MCTP1: variants seen among roughly 807,000 people sequenced by gnomAD.
MCTP1 encodes multiple C2 and transmembrane domain-containing protein 1.
A neutral mutation model predicts 120.6 loss-of-function variants in MCTP1; 69 were observed. The observed-to-expected ratio is 0.57, with a 90% CI of 0.47 to 0.70. The LOEUF (loss-of-function observed/expected upper bound fraction) is 0.70. Among genes scored for constraint, MCTP1 ranks in the 30% least tolerant of loss-of-function variants. The probability of loss-of-function intolerance (pLI) is 0.00; values close to 1 mark genes in which losing one functional copy is unlikely to be tolerated. For missense variants in MCTP1, 1,203 were observed against 1,248.8 expected, an observed-to-expected ratio of 0.96 and a Z score of 0.55; for synonymous variants, 529 against 493.1, an observed-to-expected ratio of 1.07 and a Z score of -0.96.
chr5:95,141,837 T>A (rs1056554006), intron 1 of MCTP1, among the ~76,000 whole-genome samples: 1 of 152,218 alleles, frequency 6.6e-6, no homozygotes. Flanking sequence ...ACACTTGTGT[T>A]AGGCAAATAG....
chr5:95,120,447 C>T (rs1435476796), intron 1 of MCTP1, among the ~76,000 whole-genome samples: 1 of 151,990 alleles, frequency 6.6e-6, no homozygotes, highest in African/African-American at 2.4e-5. Context: ...AAAATACCAG[C>T]AAACTGAATT....
chr5:94,932,102 C>T, intron 5 of MCTP1, 111 bp from the exon 6 acceptor site: 1 of 685,098 alleles, frequency 1.5e-6, no homozygotes. Context: ...CGAACAGTTC[C>T]TGCAGCAATT....
rs959954966 is a variant in MCTP1 at position 95,273,164 on chromosome 5, C to T, written c.720+10692G>A. ...CAATCCCAAAAGATATTTTGGAAAA[C>T]ATCTGGAGTCCCAGTGTGGTGTGGT... On this transcript the variant is annotated intron_variant, in intron 1 of 22. Transcript: ENST00000515393. 4.6e-5 allele frequency among the ~76,000 whole-genome samples: 7 copies of T among 152,228 alleles called. No homozygotes were observed. In the South Asian group the frequency reaches 1.2e-3, roughly 27 times the overall value.
intron 19 of MCTP1, among the ~76,000 whole-genome samples, chr5:94,725,697 T>A (rs1177370531): frequency 6.6e-6 from 1 of 152,228 alleles, no homozygotes. Context: ...GCTCTCTTGC[T>A]AAGTATGGTT....
intron 1 of MCTP1, among the ~76,000 whole-genome samples, chr5:95,129,064 T>C (rs868056973): frequency 3.3e-5 from 5 of 152,130 alleles, no homozygotes; most frequent in African/African-American, 4.8e-5. Flanking sequence ...TCAGGTTTAA[T>C]TGGGAAAATG....
chr5:94,925,863 TA>T (rs1271102189), intron 6 of MCTP1, among the ~76,000 whole-genome samples: 3 of 152,188 alleles, frequency 2.0e-5, no homozygotes, highest in Admixed American at 6.5e-5. Flanking sequence ...TTTATAAGAG[TA>T]GTAAGATGCA....
At chr5:94,847,556 C>T (rs540588508) in intron 17 of MCTP1, among the ~76,000 whole-genome samples, 27 of 151,478 alleles carry the variant, frequency 1.8e-4, no homozygotes, top group African/African-American at 6.3e-4. Context: ...GGATTCTTTG[C>T]CTTTTGTCTG....
intron 1 of MCTP1, among the ~76,000 whole-genome samples, chr5:95,039,121 T>C (rs527515506): frequency 6.6e-6 from 1 of 152,256 alleles, no homozygotes; most frequent in East Asian, 1.9e-4. Context: ...GAATAATACA[T>C]GTGAAACACT....
At chr5:94,957,269 C>T (rs1822874190) in intron 2 of MCTP1, among the ~76,000 whole-genome samples, 3 of 152,040 alleles carry the variant, frequency 2.0e-5, no homozygotes, top group South Asian at 2.1e-4. Context: ...GAAAGAAGTG[C>T]TAAATATGGA....
chr5:95,236,391 C>T (rs1755544074), intron 1 of MCTP1, among the ~76,000 whole-genome samples: 1 of 152,128 alleles, frequency 6.6e-6, no homozygotes, highest in African/African-American at 2.4e-5. Context: ...GCACTTTCTT[C>T]CTAAACGCCA....
intron 2 of MCTP1, chr5:94,976,673 AT>A (rs1221967555): frequency 6.6e-6 from 1 of 152,074 alleles, no homozygotes; most frequent in Admixed American, 6.6e-5. Flanking sequence ...AAACATTCTT[AT>A]TTTTTCCACA....
At chr5:95,075,264 ACT>A (rs927833792) in intron 1 of MCTP1, among the ~76,000 whole-genome samples, 4 of 152,128 alleles carry the variant, frequency 2.6e-5, no homozygotes, top group African/African-American at 9.7e-5. Context: ...ACCAAAAGTA[ACT>A]CTACATATCC....
At chr5:94,744,197 G>A (rs1766325368) in intron 19 of MCTP1, among the ~76,000 whole-genome samples, 2 of 151,978 alleles carry the variant, frequency 1.3e-5, no homozygotes, top group Admixed American at 1.3e-4. Flanking sequence ...TCTAACTCCT[G>A]GGCTGATCCG....
At chr5:94,934,303 A>C (rs1815583491) in intron 5 of MCTP1, among the ~76,000 whole-genome samples, 5 of 151,922 alleles carry the variant, frequency 3.3e-5, no homozygotes, top group African/African-American at 1.2e-4. Context: ...AGCAAATTAT[A>C]GAAAAATAAG....
chr5:95,135,126 C>T (rs888567438), intron 1 of MCTP1, among the ~76,000 whole-genome samples: 1 of 147,122 alleles, frequency 6.8e-6, no homozygotes, highest in Non-Finnish European at 1.5e-5. Context: ...AGTTCCAATA[C>T]CAGTATAAAG....
At chr5:95,157,943 G>A (rs570409340) in intron 1 of MCTP1, among the ~76,000 whole-genome samples, 10 of 152,232 alleles carry the variant, frequency 6.6e-5, no homozygotes, top group African/African-American at 2.2e-4. Context: ...ATATTTACTG[G>A]TTCTTTACAG....
intron 17 of MCTP1, among the ~76,000 whole-genome samples, chr5:94,822,818 CT>C (rs1252531422): frequency 6.6e-6 from 1 of 152,164 alleles, no homozygotes; most frequent in African/African-American, 2.4e-5. Flanking sequence ...TGATGATGAG[CT>C]TTTTTTCATA....
chr5:94,723,178 C>A (rs1761308514), intron 19 of MCTP1, among the ~76,000 whole-genome samples: 1 of 152,160 alleles, frequency 6.6e-6, no homozygotes, highest in African/African-American at 2.4e-5. Flanking sequence ...TCAGTTCTTA[C>A]TGTATCAAAT....
At chr5:95,188,250 T>A (rs1749445182) in intron 1 of MCTP1, among the ~76,000 whole-genome samples, 1 of 151,804 alleles carries the variant, frequency 6.6e-6, no homozygotes, top group Non-Finnish European at 1.5e-5. Context: ...TAAAAAAGAG[T>A]GACAACATCA....
Sources: allele counts gnomAD v4.1 joint callset (sites outside exome capture counted in the v4.1 genomes callset), GRCh38; gene constraint gnomAD v4.1.1; transcripts MANE v1.5; gene names NCBI Gene and HGNC (gene_info 2026-07-23, HGNC 2026-07-21).